FMN2: variants seen among roughly 807,000 people sequenced by gnomAD.
FMN2 encodes the protein formin-2.
In FMN2, 51 loss-of-function variants were observed where a neutral mutation model predicts 142.3. That is an observed-to-expected ratio of 0.36 (90% CI 0.29 to 0.45). The LOEUF (loss-of-function observed/expected upper bound fraction) is 0.45. FMN2 is among the 20% of genes least tolerant of loss of function. The pLI, the probability that FMN2 is intolerant of heterozygous loss-of-function variation, is 1.00. For missense variants in FMN2, 1,936 were observed against 2,122.8 expected, an observed-to-expected ratio of 0.91 and a Z score of 1.73; for synonymous variants, 882 against 869.8, an observed-to-expected ratio of 1.01 and a Z score of -0.25.
At chr1:240,190,673 TA>T (rs1665663690) in intron 4 of FMN2, among the ~76,000 whole-genome samples, 1 of 152,186 alleles carries the variant, frequency 6.6e-6, no homozygotes, top group South Asian at 2.1e-4. Context: ...ATTTTATACT[TA>T]TACTATGATA....
Position 240,188,203 on chromosome 1 carries a change from C to G in FMN2, c.1931-4C>G. Reference sequence around the variant, plus strand: ...ACTGACTGTCTGCTTCCTTTCCAATCTAGAATCTCAATCTGCTGTTTCAGA... The same window carrying G: ...ACTGACTGTCTGCTTCCTTTCCAATGTAGAATCTCAATCTGCTGTTTCAGA... On this transcript the variant is annotated splice_polypyrimidine_tract_variant and splice_region_variant and intron_variant, in intron 3 of 17. Transcript: ENST00000319653. 1 of 1,613,650 alleles carries G rather than the reference C, an allele frequency of 6.2e-7. No homozygotes were observed. Among genetic ancestry groups the G allele is most frequent in the South Asian group, 1.1e-5 (1 of 91,014 alleles).
intron 2 of FMN2, among the ~76,000 whole-genome samples, chr1:240,148,574 T>G (rs996237448): frequency 1.3e-5 from 2 of 152,214 alleles, no homozygotes; most frequent in Admixed American, 1.3e-4. Context: ...TTTGGTGGAA[T>G]TAACACCACT....
intron 14 of FMN2, among the ~76,000 whole-genome samples, chr1:240,372,981 A>G (rs1356181534): frequency 1.3e-5 from 2 of 152,120 alleles, no homozygotes; most frequent in Non-Finnish European, 2.9e-5. Flanking sequence ...GGTCAGGTAT[A>G]CGAGACCAGC....
At chr1:240,448,184 TA>T (rs1200818607) in intron 16 of FMN2, among the ~76,000 whole-genome samples, 2 of 152,092 alleles carry the variant, frequency 1.3e-5, no homozygotes, top group African/African-American at 4.8e-5. Flanking sequence ...AAAAAGCTAT[TA>T]AAAAATTGCA....
At chr1:240,228,791 A>AC (rs1172800217) in intron 6 of FMN2, among the ~76,000 whole-genome samples, 2 of 131,660 alleles carry the variant, frequency 1.5e-5, no homozygotes, top group African/African-American at 5.3e-5. Context: ...CTTAAGATAA[A>AC]CTTTTTTTTC....
At chr1:240,266,022 T>TC in intron 7 of FMN2, among the ~76,000 whole-genome samples, 2 of 149,134 alleles carry the variant, frequency 1.3e-5, no homozygotes, top group African/African-American at 4.9e-5. Flanking sequence ...GTTACTTCCT[T>TC]TTTTTTTTTT....
chr1:240,374,868 C>T (rs1052670824), intron 14 of FMN2, among the ~76,000 whole-genome samples: 2 of 152,210 alleles, frequency 1.3e-5, no homozygotes, highest in African/African-American at 4.8e-5. Context: ...CCACTTTGGA[C>T]ATGCCTAAGT....
chr1:240,356,036 T>G, intron 14 of FMN2, 128 bp downstream of exon 14: 1 of 638,380 alleles, frequency 1.6e-6, no homozygotes, highest in Non-Finnish European at 2.7e-6. Flanking sequence ...AGGGCTTATT[T>G]TGACATTACA....
chr1:240,305,405 A>G (rs1670351373), intron 8 of FMN2, among the ~76,000 whole-genome samples: 1 of 152,234 alleles, frequency 6.6e-6, no homozygotes, highest in South Asian at 2.1e-4. Flanking sequence ...TGTTTTTCAA[A>G]CTGGGTTCAG....
intron 7 of FMN2, among the ~76,000 whole-genome samples, chr1:240,268,665 T>C (rs1668893512): frequency 6.6e-6 from 1 of 152,046 alleles, no homozygotes; most frequent in Non-Finnish European, 1.5e-5. Flanking sequence ...ATTTTATTTT[T>C]CCTGATAGTT....
rs1185408892 is a variant in FMN2, at chr1:240,159,974, TAC to T, written c.1783-17923_1783-17922del. Among the ~76,000 whole-genome samples, 439 of 133,950 alleles carry T rather than the reference TAC, an allele frequency of 3.3e-3. 1 individual carries two copies. Among genetic ancestry groups the T allele is most frequent in the African/African-American group, 3.9e-3 (140 of 35,476 alleles). The allele number at this position is 133,950 out of a possible 152,430, so 87.9% of individuals were successfully genotyped here. A position where few individuals can be genotyped will look rare whatever the true frequency, so the allele number is the denominator to read the frequency against. ...ATCTATATCTGTGTATATATATATA[TAC>T]ACACACACACACACACACACACATA... On this transcript the variant is annotated intron_variant, in intron 2 of 17. Coordinates refer to ENST00000319653, the MANE Select transcript of FMN2 (RefSeq NM_020066.5).
At position 240,374,484 on chromosome 1, in the gene FMN2, G is replaced by A. The variant is rs572491621; in HGVS notation, c.4859-18027G>A. On this transcript the variant is annotated intron_variant, in intron 14 of 17. Coordinates refer to ENST00000319653, the MANE Select transcript of FMN2 (RefSeq NM_020066.5). The stretch of plus-strand genomic sequence containing the variant: ...ATCTAGATCTTCTGGATAACTTGCC[G>A]CAGCTTCTCCATCAGCACTTGGTAC... 4.3e-4 allele frequency among the ~76,000 whole-genome samples: 66 copies of A among 152,248 alleles called. 2 individuals carry two copies. In the South Asian group the frequency reaches 0.011, roughly 26 times the overall value.
chr1:240,194,413 T>C (rs1018865148), intron 4 of FMN2, among the ~76,000 whole-genome samples: 6 of 152,204 alleles, frequency 3.9e-5, no homozygotes, highest in African/African-American at 1.4e-4. Context: ...ACTATTGCGC[T>C]AGGGAAGAGT....
intron 15 of FMN2, among the ~76,000 whole-genome samples, chr1:240,400,474 C>T (rs1257286855): frequency 1.3e-5 from 2 of 152,182 alleles, no homozygotes; most frequent in Admixed American, 6.5e-5. Context: ...CAGCATCAGC[C>T]GAGTTAACTG....
chr1:240,103,900 C>T (rs1661499416), intron 1 of FMN2, among the ~76,000 whole-genome samples: 1 of 151,194 alleles, frequency 6.6e-6, no homozygotes, highest in Admixed American at 6.6e-5. Flanking sequence ...TTTTTTGTGA[C>T]GGAGTCTTGC....
intron 6 of FMN2, among the ~76,000 whole-genome samples, chr1:240,238,780 T>G (rs1002271377): frequency 6.6e-6 from 1 of 152,140 alleles, no homozygotes; most frequent in African/African-American, 2.4e-5. Context: ...CTGCAAACCT[T>G]CTAAATATCT....
chr1:240,237,905 A>T (rs1464152555), intron 6 of FMN2, among the ~76,000 whole-genome samples: 2 of 152,190 alleles, frequency 1.3e-5, no homozygotes, highest in Non-Finnish European at 2.9e-5. Flanking sequence ...ACAAACTTTC[A>T]TAATCCCAAA....
At chr1:240,157,585 A>G (rs1341644500) in intron 2 of FMN2, among the ~76,000 whole-genome samples, 2 of 152,154 alleles carry the variant, frequency 1.3e-5, no homozygotes, top group Non-Finnish European at 2.9e-5. Context: ...GAAGGGGAGA[A>G]AAGGAAGTAA....
intron 8 of FMN2, among the ~76,000 whole-genome samples, chr1:240,297,455 A>G (rs1366846264): frequency 6.6e-6 from 1 of 151,808 alleles, no homozygotes; most frequent in Non-Finnish European, 1.5e-5. Flanking sequence ...TAAGCCAGGC[A>G]TGGTGGCCCG....
Sources: gnomAD v4.1 joint callset for allele counts (sites outside exome capture counted in the v4.1 genomes callset) on GRCh38, gnomAD v4.1.1 for gene constraint, MANE v1.5 for transcripts, NCBI Gene and HGNC (gene_info 2026-07-23, HGNC 2026-07-21) for gene names.